GRIP1: variants seen among roughly 807,000 people sequenced by gnomAD.
The protein encoded by GRIP1 is glutamate receptor interacting protein 1.
A neutral mutation model predicts 129.9 loss-of-function variants in GRIP1; 45 were observed. The observed-to-expected ratio is 0.35, with a 90% CI of 0.27 to 0.44. The LOEUF is 0.44. Ranked by LOEUF, GRIP1 falls within the 20% of genes least tolerant of loss-of-function variation. The pLI, the probability that GRIP1 is intolerant of heterozygous loss-of-function variation, is 1.00. For synonymous variants in GRIP1, 530 were observed against 520.8 expected (o/e 1.02, Z -0.24); for missense variants, 1,196 against 1,396.8 (o/e 0.86, Z 2.29).
intron 4 of GRIP1, among the ~76,000 whole-genome samples, chr12:66,534,996 CT>C (rs1195937405): frequency 6.6e-6 from 1 of 151,876 alleles, no homozygotes; most frequent in African/African-American, 2.4e-5. Flanking sequence ...ACCTAGCCCC[CT>C]CTCTGTCTTT....
intron 2 of GRIP1, among the ~76,000 whole-genome samples, chr12:66,547,978 C>A (rs1169459113): frequency 6.6e-6 from 1 of 152,086 alleles, no homozygotes; most frequent in Non-Finnish European, 1.5e-5. Flanking sequence ...ACAATTATCT[C>A]AAAATTAGGA....
At chr12:66,724,834 C>G (rs969321495) in intron 1 of GRIP1, among the ~76,000 whole-genome samples, 1 of 152,174 alleles carries the variant, frequency 6.6e-6, no homozygotes, top group African/African-American at 2.4e-5. Context: ...AGGGCTAACC[C>G]GATGTCAGAC....
Position 66,406,453 on chromosome 12 carries a change from A to G in GRIP1, c.1839-25T>C, listed in dbSNP as rs757120639. 30 of 1,610,570 alleles carry G rather than the reference A, an allele frequency of 1.9e-5. No homozygotes were observed. The East Asian group carries it at 4.2e-4, about 23-fold the overall frequency. On this transcript the variant is annotated intron_variant, in intron 15 of 24. Transcript: ENST00000359742. ...TCTGTTAGTGAATGCAAAGTAACAC[A>G]TGACTAATGATGAGCACTTAACTAG...
intron 1 of GRIP1, among the ~76,000 whole-genome samples, chr12:67,014,043 G>A (rs138915813): frequency 1.3e-5 from 2 of 152,260 alleles, no homozygotes; most frequent in East Asian, 3.9e-4. Context: ...CAATTATTTT[G>A]TACCATGATG....
At chr12:66,514,942 T>C (rs1318225746) in intron 7 of GRIP1, among the ~76,000 whole-genome samples, 4 of 152,114 alleles carry the variant, frequency 2.6e-5, no homozygotes, top group Non-Finnish European at 4.4e-5. Flanking sequence ...TTCCAATTCA[T>C]TCTCTTATAA....
At chr12:66,971,596 G>T (rs1489017958) in intron 1 of GRIP1, among the ~76,000 whole-genome samples, 1 of 152,144 alleles carries the variant, frequency 6.6e-6, no homozygotes. Context: ...TGCCCTTGAG[G>T]AACTTATATT....
chr12:66,477,288 A>C (rs1438229588), intron 7 of GRIP1, among the ~76,000 whole-genome samples: 2 of 152,122 alleles, frequency 1.3e-5, no homozygotes, highest in Non-Finnish European at 2.9e-5. Context: ...ATTGCTTCAA[A>C]GAGAATAAAA....
intron 1 of GRIP1, among the ~76,000 whole-genome samples, chr12:66,615,249 C>T (rs943631538): frequency 2.1e-4 from 32 of 152,214 alleles, no homozygotes; most frequent in African/African-American, 7.7e-4. Context: ...AAGTAAGATC[C>T]TTTATAGTAA....
intron 20 of GRIP1, among the ~76,000 whole-genome samples, chr12:66,378,838 T>C (rs1331439509): frequency 6.6e-6 from 1 of 151,976 alleles, no homozygotes; most frequent in Non-Finnish European, 1.5e-5. Flanking sequence ...TCCCAGCTAC[T>C]CAGGAGGCTG....
At chr12:66,754,886 T>C (rs1433986674) in intron 1 of GRIP1, among the ~76,000 whole-genome samples, 1 of 152,180 alleles carries the variant, frequency 6.6e-6, no homozygotes, top group Non-Finnish European at 1.5e-5. Context: ...TTTCATCTAG[T>C]TGGCTATCAT....
intron 2 of GRIP1, among the ~76,000 whole-genome samples, chr12:66,543,326 T>A (rs774103342): frequency 6.6e-6 from 1 of 152,056 alleles, no homozygotes; most frequent in Non-Finnish European, 1.5e-5. Context: ...TATACATAAG[T>A]CATTATCGTC....
rs59412681 is a variant in GRIP1, at chr12:66,675,616, A to T, written c.55+3234T>A. The stretch of plus-strand genomic sequence containing the variant: ...AACAGCTGTGAAGGTAGGTGCCAAG[A>T]AGCCTAGATTTACCCACTCCAGAAA... On this transcript the variant is annotated intron_variant, in intron 1 of 24. Transcript: ENST00000359742. Among the ~76,000 whole-genome samples, 1,039 of 152,242 alleles carry T rather than the reference A, an allele frequency of 6.8e-3. 14 individuals carry two copies. The highest frequency in any genetic ancestry group is 0.024 in the African/African-American group (985 of 41,524).
intron 1 of GRIP1, among the ~76,000 whole-genome samples, chr12:66,716,680 T>TA (rs1030268077): frequency 5.3e-5 from 8 of 152,014 alleles, no homozygotes; most frequent in African/African-American, 1.9e-4. Context: ...TCTAGATGGT[T>TA]AACATCCCCC....
intron 14 of GRIP1, among the ~76,000 whole-genome samples, chr12:66,426,141 T>C (rs2137898461): frequency 6.6e-6 from 1 of 152,280 alleles, no homozygotes; most frequent in Admixed American, 6.5e-5. Flanking sequence ...ATGACAAGCT[T>C]TTCTGTGGGT....
At chr12:66,717,966 G>A (rs1395984029) in intron 1 of GRIP1, among the ~76,000 whole-genome samples, 1 of 152,110 alleles carries the variant, frequency 6.6e-6, no homozygotes, top group African/African-American at 2.4e-5. Context: ...CAGGAAAGAT[G>A]TGTTCCTGGA....
intron 1 of GRIP1, among the ~76,000 whole-genome samples, chr12:66,929,549 C>CA (rs1394192858): frequency 6.6e-6 from 1 of 152,186 alleles, no homozygotes; most frequent in African/African-American, 2.4e-5. Context: ...TGATGCAAAA[C>CA]ATTTTTGAAT....
chr12:66,865,606 TCCAA>T (rs976037826), intron 1 of GRIP1, among the ~76,000 whole-genome samples: 1 of 76,356 alleles, frequency 1.3e-5, no homozygotes, highest in African/African-American at 4.0e-5. Context: ...CATCCATCCA[TCCAA>T]CCATCCATCC....
At chr12:66,578,424 G>T (rs563986914) in intron 2 of GRIP1, among the ~76,000 whole-genome samples, 7 of 150,810 alleles carry the variant, frequency 4.6e-5, no homozygotes, top group Non-Finnish European at 1.0e-4. Context: ...TGGGTGCAGC[G>T]CACCGTGCGC....
chr12:66,484,952 T>A (rs990425455), intron 7 of GRIP1, among the ~76,000 whole-genome samples: 4 of 152,200 alleles, frequency 2.6e-5, no homozygotes, highest in African/African-American at 9.7e-5. Flanking sequence ...CCTATAACTA[T>A]GTACTATTAT....
Sources: allele counts gnomAD v4.1 joint callset (sites outside exome capture counted in the v4.1 genomes callset), GRCh38; gene constraint gnomAD v4.1.1; transcripts MANE v1.5; gene names NCBI Gene and HGNC (gene_info 2026-07-23, HGNC 2026-07-21).